Variants in FNBP1 observed in about 807,000 individuals in gnomAD.
The protein encoded by FNBP1 is formin binding protein 1, also known as formin-binding protein 1.
In FNBP1, 26 loss-of-function variants were observed where a neutral mutation model predicts 90.6. That is an observed-to-expected ratio of 0.29 (90% CI 0.21 to 0.40). The LOEUF (loss-of-function observed/expected upper bound fraction) is 0.40. Among genes scored for constraint, FNBP1 ranks in the 10% least tolerant of loss-of-function variants. The pLI is 1.00. For missense variants in FNBP1, 635 were observed against 768.0 expected (o/e 0.83, Z 2.05); for synonymous variants, 260 against 265.2 (o/e 0.98, Z 0.19).
intron 4 of FNBP1, among the ~76,000 whole-genome samples, chr9:129,967,576 G>A (rs957796244): frequency 6.6e-6 from 1 of 152,102 alleles, no homozygotes; most frequent in Admixed American, 6.6e-5. Flanking sequence ...CCACTCTGGA[G>A]CCATCATTCA....
rs115241788 is a variant in FNBP1, at chr9:129,978,621, C to A, written c.198-9G>T. 685 of 1,612,608 alleles carry A rather than the reference C, an allele frequency of 4.2e-4. 4 individuals carry two copies. In the African/African-American group the frequency reaches 8.3e-3, roughly 19 times the overall value. ...CTTTACATGACGTATACCTATGGAA[C>A]AGAACACACGCCACTCTGTTTCACA... On this transcript the variant is annotated splice_polypyrimidine_tract_variant and intron_variant, in intron 3 of 16. Coordinates refer to ENST00000446176, the MANE Select transcript of FNBP1 (RefSeq NM_015033.3).
intron 6 of FNBP1, among the ~76,000 whole-genome samples, chr9:129,939,926 C>G (rs1276101560): frequency 3.3e-5 from 5 of 152,102 alleles, no homozygotes; most frequent in Admixed American, 1.3e-4. Flanking sequence ...ACAGGCCAGG[C>G]ACAGCGGCTC....
chr9:129,910,684 G>A (rs1186386588), intron 11 of FNBP1, among the ~76,000 whole-genome samples: 4 of 152,000 alleles, frequency 2.6e-5, no homozygotes, highest in Non-Finnish European at 5.9e-5. Context: ...CAGCTTACAT[G>A]TGGGCTTATG....
At chr9:130,048,490 C>CTTTTTT in the FNBP1 span, among the ~76,000 whole-genome samples, 5 of 52,346 alleles carry the variant, frequency 9.6e-5, no homozygotes, top group Admixed American at 4.5e-4. Context: ...GCCTCAGTTT[C>CTTTTTT]CTTTTTTTTT....
intron 7 of FNBP1, among the ~76,000 whole-genome samples, chr9:129,927,589 A>G (rs541699559): frequency 6.6e-6 from 1 of 151,890 alleles, no homozygotes; most frequent in East Asian, 1.9e-4. Context: ...AGAATGCCAA[A>G]CTCAATAGTT....
intron 2 of FNBP1, among the ~76,000 whole-genome samples, chr9:129,990,846 G>C (rs138249535): frequency 2.3e-3 from 346 of 152,044 alleles, no homozygotes; most frequent in African/African-American, 7.4e-3. Flanking sequence ...TAAATCTGTA[G>C]AGAAGTCAAG....
intron 6 of FNBP1, among the ~76,000 whole-genome samples, chr9:129,955,329 G>T (rs150421050): frequency 3.5e-4 from 53 of 151,992 alleles, no homozygotes; most frequent in African/African-American, 1.1e-3. Flanking sequence ...TGCCTCCCAG[G>T]ACCGAGCAAT....
At chr9:129,975,456 G>A (rs886526836) in intron 4 of FNBP1, among the ~76,000 whole-genome samples, 2 of 152,150 alleles carry the variant, frequency 1.3e-5, no homozygotes, top group African/African-American at 4.8e-5. Flanking sequence ...GATATTTAAT[G>A]TGTATCTGTA....
upstream of FNBP1, among the ~76,000 whole-genome samples, chr9:130,044,360 A>G (rs1215972843): frequency 1.3e-5 from 2 of 152,202 alleles, no homozygotes; most frequent in African/African-American, 4.8e-5. Flanking sequence ...CTGGTGGCTC[A>G]CGCCTGTAAT....
At chr9:129,921,883 C>T (rs758462439) in intron 10 of FNBP1, among the ~76,000 whole-genome samples, 1 of 152,128 alleles carries the variant, frequency 6.6e-6, no homozygotes, top group Admixed American at 6.5e-5. Flanking sequence ...TGTCAGTTGA[C>T]ACTCAAGAAA....
intron 1 of FNBP1, among the ~76,000 whole-genome samples, chr9:130,003,504 G>A (rs1364557481): frequency 2.0e-5 from 3 of 152,176 alleles, no homozygotes; most frequent in African/African-American, 7.2e-5. Flanking sequence ...CTACTCGGGA[G>A]GCTGAGGCAG....
Position 129,957,302 on chromosome 9 carries a change from T to G in FNBP1, c.513+58A>C. 3 of 1,238,606 alleles carry G rather than the reference T, an allele frequency of 2.4e-6. No individual in the cohort carries two copies. The highest frequency in any genetic ancestry group is 3.5e-6 in the Non-Finnish European group (3 of 846,424). 76.7% of individuals were successfully genotyped at this position (1,238,606 alleles called of 1,614,324 possible). A position where few individuals can be genotyped will look rare whatever the true frequency, so the allele number is the denominator to read the frequency against. On this transcript the variant is annotated intron_variant, in intron 6 of 16. Coordinates refer to ENST00000446176, the MANE Select transcript of FNBP1 (RefSeq NM_015033.3). The surrounding 1 kb of genome is among the most constrained non-coding windows in gnomAD (Gnocchi z 4.3). ...ATCCGCTCACCTCAGCCTCCCAAAG[T>G]GCTGGGATTACAGGCGTGAGCCACC... is the stretch of plus-strand genomic sequence containing the variant.
At chr9:129,909,286 G>A (rs1264734419) in intron 11 of FNBP1, among the ~76,000 whole-genome samples, 2 of 152,164 alleles carry the variant, frequency 1.3e-5, no homozygotes, top group Non-Finnish European at 2.9e-5. Context: ...CTGACTCTAG[G>A]GAGAATCCAT....
chr9:129,895,489 A>G, intron 16 of FNBP1: 1 of 1,167,368 alleles, frequency 8.6e-7, no homozygotes. Context: ...GCCGGCTTTT[A>G]AATTCAGAAA....
At chr9:129,934,104 C>T (rs138433185) in intron 6 of FNBP1, among the ~76,000 whole-genome samples, 384 of 152,254 alleles carry the variant, frequency 2.5e-3, no homozygotes, top group South Asian at 4.4e-3. Flanking sequence ...TGGAGACTAT[C>T]TCCTAATGTC....
At chr9:129,918,272 G>A (rs968671732) in intron 10 of FNBP1, among the ~76,000 whole-genome samples, 1 of 152,194 alleles carries the variant, frequency 6.6e-6, no homozygotes, top group African/African-American at 2.4e-5. Context: ...ATCACAGTAC[G>A]TGGAATTTCT....
At chr9:129,996,990 C>T (rs750290397) in intron 1 of FNBP1, among the ~76,000 whole-genome samples, 39 of 151,956 alleles carry the variant, frequency 2.6e-4, no homozygotes, top group Admixed American at 2.2e-3. Context: ...CCACTGCCTC[C>T]GGCCGGCCTG....
chr9:129,958,985 C>CAAAAAAAAAAAA lies in FNBP1; in HGVS notation c.346-444_346-433dup, dbSNP rs60640596. Among the ~76,000 whole-genome samples the CAAAAAAAAAAAA allele has an allele frequency of 3.4e-3, 31 of 9,156 alleles. 3 individuals are homozygous for CAAAAAAAAAAAA. Among genetic ancestry groups the CAAAAAAAAAAAA allele is most frequent in the Non-Finnish European group, 3.9e-3 (21 of 5,318 alleles). 6.0% of individuals were successfully genotyped at this position (9,156 alleles called of 152,430 possible). ...TGGATGACACAGTGAAACTCTGCCT[C>CAAAAAAAAAAAA]AAAAAAAAAAAAAAAAAAAAAAGGA... On this transcript the variant is annotated intron_variant, in intron 4 of 16. Transcript: ENST00000446176.
intron 6 of FNBP1, chr9:129,936,416 C>A (rs934777723): frequency 6.6e-6 from 1 of 152,244 alleles, no homozygotes; most frequent in African/African-American, 2.4e-5. Context: ...ATGGGCCTGG[C>A]GGCCACCCAG....
Sources: gnomAD v4.1 joint callset for allele counts (sites outside exome capture counted in the v4.1 genomes callset) on GRCh38, gnomAD v4.1.1 for gene constraint, Gnocchi (gnomAD v3.1) non-coding constraint, MANE v1.5 for transcripts, NCBI Gene and HGNC (gene_info 2026-07-23, HGNC 2026-07-21) for gene names.